Variants in TEF observed in about 807,000 individuals in gnomAD.
The protein encoded by TEF is thyrotroph embryonic factor.
TEF carries 3 observed loss-of-function variants against 20.8 expected under a neutral mutation model. The observed-to-expected ratio is 0.14, with a 90% confidence interval of 0.07 to 0.37. The LOEUF is 0.37. TEF is among the 10% of genes least tolerant of loss of function. The pLI is 1.00. For missense variants in TEF, 296 were observed against 397.9 expected (o/e 0.74, Z 2.18); for synonymous variants, 180 against 171.1 (o/e 1.05, Z -0.41).
At chr22:41,386,858 A>G (rs907932783) in intron 1 of TEF, among the ~76,000 whole-genome samples, 2 of 152,180 alleles carry the variant, frequency 1.3e-5, no homozygotes, top group African/African-American at 4.8e-5. Context: ...AGCCTGGCCA[A>G]CATAGTAAAA....
chr22:41,387,172 A>G (rs1317893901), intron 1 of TEF, among the ~76,000 whole-genome samples, 179 bp from the exon 2 acceptor site: 1 of 152,178 alleles, frequency 6.6e-6, no homozygotes, highest in Non-Finnish European at 1.5e-5. Context: ...TCTAAAGGAA[A>G]ACAGCCGGCC....
intron 1 of TEF, among the ~76,000 whole-genome samples, chr22:41,383,587 A>G (rs551212992): frequency 1.7e-4 from 26 of 152,320 alleles, no homozygotes; most frequent in African/African-American, 5.1e-4. Flanking sequence ...TGCTTCCTCA[A>G]GGTCACACAG....
Position 41,391,504 on chromosome 22 carries a change from C to T in TEF, c.476-2592C>T, listed in dbSNP as rs9941954. Among the ~76,000 whole-genome samples the T allele has an allele frequency of 9.2e-4, 139 of 151,696 alleles. 1 individual carries two copies. Among genetic ancestry groups the T allele is most frequent in the African/African-American group, 2.6e-3 (109 of 41,328 alleles). ...CTACTTTTTGTATTTTTAGTAGAGACGGGGTTTCATCGTATTGGTCAGGCT... is the reference window on the plus strand; with the variant it reads ...CTACTTTTTGTATTTTTAGTAGAGATGGGGTTTCATCGTATTGGTCAGGCT... On this transcript the variant is annotated intron_variant, in intron 2 of 3. Transcript: ENST00000266304.
At chr22:41,395,629 C>A in intron 3 of TEF, 116 bp from the exon 4 acceptor site, 1 of 1,029,018 alleles carries the variant, frequency 9.7e-7, no homozygotes, top group Non-Finnish European at 1.4e-6. Context: ...CCCTGGTATC[C>A]CTGCTTTAGC....
At chr22:41,388,412 G>T (rs1419837399) in intron 2 of TEF, among the ~76,000 whole-genome samples, 1 of 151,896 alleles carries the variant, frequency 6.6e-6, no homozygotes, top group East Asian at 1.9e-4. Context: ...AGTAGAGATG[G>T]GGTTTTGCCA....
chr22:41,390,493 ATCTT>A (rs2037151134), intron 2 of TEF, among the ~76,000 whole-genome samples: 4 of 131,086 alleles, frequency 3.1e-5, no homozygotes, highest in South Asian at 2.4e-4. Flanking sequence ...TCTCATTGTC[ATCTT>A]TTTTTTTTTT....
chr22:41,370,106 T>A (rs2036864408), intron 1 of TEF: 1 of 984,340 alleles, frequency 1.0e-6, no homozygotes, highest in Non-Finnish European at 1.2e-6. Context: ...CTTTCTTTTA[T>A]TTTCTCTTTC....
chr22:41,367,867 C>T (rs1425826358), intron 1 of TEF, among the ~76,000 whole-genome samples: 2 of 152,102 alleles, frequency 1.3e-5, no homozygotes, highest in Non-Finnish European at 2.9e-5. Context: ...CATGTGGGAC[C>T]AGGACAGGAC....
chr22:41,386,126 A>T (rs1318051274), intron 1 of TEF, among the ~76,000 whole-genome samples: 1 of 151,664 alleles, frequency 6.6e-6, no homozygotes, highest in Non-Finnish European at 1.5e-5. Flanking sequence ...GCACCTGGCC[A>T]GTGCTACAGG....
intron 1 of TEF, among the ~76,000 whole-genome samples, chr22:41,376,438 G>C (rs1182341783): frequency 6.6e-6 from 1 of 152,228 alleles, no homozygotes; most frequent in East Asian, 1.9e-4. Flanking sequence ...ATGTTGGCCA[G>C]GCTGGTCTTG....
rs1485903396 is a variant in TEF, at chr22:41,397,277, C to T, written c.*1317C>T. On this transcript the variant is annotated 3_prime_UTR_variant, in exon 4 of 4. Coordinates refer to ENST00000266304, the MANE Select transcript of TEF (RefSeq NM_003216.4). ...TTCTCACAGCTGTGGTCTCCCCTGCCTCACAACGACTCCTTTCTCTTGTGT... is the reference window on the plus strand; with the variant it reads ...TTCTCACAGCTGTGGTCTCCCCTGCTTCACAACGACTCCTTTCTCTTGTGT... The T allele has an allele frequency of 5.0e-6, 2 of 396,722 alleles. No homozygotes were observed. The highest frequency in any genetic ancestry group is 8.9e-6 in the Non-Finnish European group (2 of 225,276). 24.6% of individuals were successfully genotyped at this position (396,722 alleles called of 1,614,324 possible).
At chr22:41,383,198 C>A (rs1025497429) in intron 1 of TEF, among the ~76,000 whole-genome samples, 33 of 152,238 alleles carry the variant, frequency 2.2e-4, no homozygotes, top group African/African-American at 7.9e-4. Flanking sequence ...AATGCCATTT[C>A]TCTTCCTTTC....
intron 2 of TEF, among the ~76,000 whole-genome samples, chr22:41,391,942 G>A (rs1036504715): frequency 2.8e-4 from 43 of 152,052 alleles, no homozygotes; most frequent in African/African-American, 9.2e-4. Flanking sequence ...TTTATATATC[G>A]TTTGTATTTA....
chr22:41,398,548 A>G lies in TEF; in HGVS notation c.*2588A>G, dbSNP rs1373927440. On this transcript the variant is annotated 3_prime_UTR_variant, in exon 4 of 4. Transcript: ENST00000266304. ...GAGCTGGAACTTTGCAAGAATATTC[A>G]TATTATAAATGTCTCATCTGATGGA... is the stretch of plus-strand genomic sequence containing the variant. 3 of 153,690 alleles carry G rather than the reference A, an allele frequency of 2.0e-5. No homozygotes were observed. In the East Asian group the frequency reaches 5.8e-4, roughly 30 times the overall value. 9.5% of individuals were successfully genotyped at this position (153,690 alleles called of 1,614,324 possible).
intron 2 of TEF, 39 bp from the exon 3 acceptor site, chr22:41,394,057 G>A (rs755671652): frequency 1.3e-6 from 2 of 1,596,634 alleles, no homozygotes; most frequent in East Asian, 2.2e-5. Context: ...TCTCTGTCCA[G>A]TGGGCTGCTT....
intron 1 of TEF, among the ~76,000 whole-genome samples, chr22:41,383,696 C>T (rs1189397271): frequency 6.6e-6 from 1 of 152,218 alleles, no homozygotes; most frequent in African/African-American, 2.4e-5. Context: ...TTATCTCTTA[C>T]AATTTAAAAT....
intron 2 of TEF, among the ~76,000 whole-genome samples, chr22:41,388,951 C>A (rs778790746): frequency 6.6e-6 from 1 of 151,996 alleles, no homozygotes; most frequent in African/African-American, 2.4e-5. Context: ...CAATTCTCAA[C>A]TCAGAAGCAG....
At chr22:41,369,795 C>G in intron 1 of TEF, 2 of 572,804 alleles carry the variant, frequency 3.5e-6, no homozygotes, top group Non-Finnish European at 4.4e-6. Flanking sequence ...AGAAAGACAA[C>G]AGAGGCCAGG....
At chr22:41,372,856 A>C (rs1413126191) in intron 1 of TEF, among the ~76,000 whole-genome samples, 1 of 151,826 alleles carries the variant, frequency 6.6e-6, no homozygotes, top group Non-Finnish European at 1.5e-5. Flanking sequence ...AGAGCCAGCT[A>C]CCCGAGGAAC....
Sources: gnomAD v4.1 joint callset for allele counts (sites outside exome capture counted in the v4.1 genomes callset) on GRCh38, gnomAD v4.1.1 for gene constraint, MANE v1.5 for transcripts, NCBI Gene and HGNC (gene_info 2026-07-23, HGNC 2026-07-21) for gene names.